The following ZNF148 variants were observed in gnomAD, a reference collection of about 807,000 sequenced individuals.
ZNF148 encodes zinc finger protein 148, also known as Beta-Enolase Repressor Factor-1.
ZNF148 carries 7 observed loss-of-function variants against 67.7 expected under a neutral mutation model. That is an observed-to-expected ratio of 0.10 (90% CI 0.06 to 0.19). The LOEUF is 0.19. Ranked by LOEUF, ZNF148 falls within the 10% of genes least tolerant of loss-of-function variation. ZNF148 has a pLI of 1.00. For synonymous variants in ZNF148, 333 were observed against 330.7 expected (o/e 1.01, Z -0.08); for missense variants, 583 against 947.1 (o/e 0.62, Z 5.05).
At chr3:125,340,971 G>C (rs1941694031) in intron 1 of ZNF148, among the ~76,000 whole-genome samples, 1 of 115,390 alleles carries the variant, frequency 8.7e-6, no homozygotes, top group Non-Finnish European at 1.6e-5. Flanking sequence ...CTGGGCGACA[G>C]AGCGAGACTC....
intron 4 of ZNF148, among the ~76,000 whole-genome samples, chr3:125,294,935 A>G (rs1188828580): frequency 6.6e-6 from 1 of 152,178 alleles, no homozygotes; most frequent in African/African-American, 2.4e-5. Context: ...TAAGTGTCTT[A>G]CCCAAGTTAT....
chr3:125,357,313 G>GACAC, intron 1 of ZNF148: 1 of 83,114 alleles, frequency 1.2e-5, no homozygotes, highest in Non-Finnish European at 2.4e-5. Context: ...CACGCGCACA[G>GACAC]ACACACGCAC....
At chr3:125,346,177 A>G (rs1330900763) in intron 1 of ZNF148, among the ~76,000 whole-genome samples, 1 of 152,234 alleles carries the variant, frequency 6.6e-6, no homozygotes, top group Non-Finnish European at 1.5e-5. Context: ...AGATTTGAAA[A>G]TCAATATAAT....
At chr3:125,326,026 G>T (rs1286852212) in intron 2 of ZNF148, among the ~76,000 whole-genome samples, 3 of 152,244 alleles carry the variant, frequency 2.0e-5, no homozygotes, top group Admixed American at 2.0e-4. Context: ...AAAGCTGAAA[G>T]ATACAGCTGT....
intron 1 of ZNF148, among the ~76,000 whole-genome samples, chr3:125,346,904 T>C (rs1226963143): frequency 6.6e-6 from 1 of 152,036 alleles, no homozygotes; most frequent in Non-Finnish European, 1.5e-5. Flanking sequence ...ATGGCATTAA[T>C]ATTGGGAAAA....
At chr3:125,279,792 C>A (rs888432339) in intron 5 of ZNF148, among the ~76,000 whole-genome samples, 1 of 150,258 alleles carries the variant, frequency 6.7e-6, no homozygotes, top group African/African-American at 2.4e-5. Flanking sequence ...TATAGTTTTG[C>A]TAACTTTTGT....
chr3:125,318,491 A>C (rs115508296), intron 3 of ZNF148, among the ~76,000 whole-genome samples: 1,406 of 140,310 alleles, frequency 0.01, 25 homozygotes, highest in African/African-American at 0.034. Flanking sequence ...CACATGGAAG[A>C]CTGATTTGGA....
chr3:125,315,592 CCAGCTA>C (rs1223419976), intron 3 of ZNF148, among the ~76,000 whole-genome samples: 1 of 151,332 alleles, frequency 6.6e-6, no homozygotes, highest in African/African-American at 2.4e-5. Flanking sequence ...GCCTGTAGTC[CCAGCTA>C]CTCAGGAGGC....
At chr3:125,339,416 T>C (rs960326677) in intron 1 of ZNF148, among the ~76,000 whole-genome samples, 23 of 152,224 alleles carry the variant, frequency 1.5e-4, no homozygotes, top group African/African-American at 5.5e-4. Context: ...AAGTACAATC[T>C]ATTAAACACA....
rs577583385 is a variant in ZNF148, at chr3:125,349,172, T to G, written c.-233-17934A>C. 6.6e-5 allele frequency among the ~76,000 whole-genome samples: 10 copies of G among 152,312 alleles called. No individual in the cohort carries two copies. In the East Asian group the frequency reaches 1.5e-3, roughly 24 times the overall value. On this transcript the variant is annotated intron_variant, in intron 1 of 8. Coordinates refer to ENST00000360647, the MANE Select transcript of ZNF148 (RefSeq NM_021964.3). ...GGAGAAAAGCTTCATGGCACAGCCA[T>G]GATTTCTAGGATTTGACACCAAAAG... is the stretch of plus-strand genomic sequence containing the variant.
rs370019372 is a variant in ZNF148, at chr3:125,233,115, T to C, written c.1611A>G (p.Pro537=). ...IKSNHDKNVI[P]DEVLQTLLDH... ...CCAACAGAGTCTGCAGTACCTCATC[T>C]GGAATAACATTTTTGTCATGATTAC... Residue 537 remains proline (P), a synonymous_variant, in exon 9 of 9, where the codon CCA becomes CCG. Coordinates refer to ENST00000360647, the MANE Select transcript of ZNF148 (RefSeq NM_021964.3). This position sits in a 1 kb window ranked among gnomAD's most constrained non-coding sequence, Gnocchi z 5.1. 1.2e-6 allele frequency: 2 copies of C among 1,613,810 alleles called. No homozygotes were observed. Among genetic ancestry groups the C allele is most frequent in the Non-Finnish European group, 1.7e-6 (2 of 1,179,868 alleles).
intron 4 of ZNF148, among the ~76,000 whole-genome samples, chr3:125,301,343 T>C (rs989751537): frequency 4.6e-5 from 7 of 152,064 alleles, no homozygotes; most frequent in Non-Finnish European, 7.4e-5. Flanking sequence ...TAAAATTTAT[T>C]AAAATAAGAA....
intron 7 of ZNF148, among the ~76,000 whole-genome samples, chr3:125,263,288 C>T (rs1037423618): frequency 2.6e-5 from 4 of 152,202 alleles, no homozygotes; most frequent in East Asian, 1.9e-4. Context: ...CGGTGGCCCA[C>T]GCCTGTAATC....
intron 7 of ZNF148, among the ~76,000 whole-genome samples, chr3:125,237,365 T>C (rs1347233016): frequency 6.6e-6 from 1 of 152,136 alleles, no homozygotes; most frequent in Non-Finnish European, 1.5e-5. Flanking sequence ...GTGAACTGCT[T>C]GAGCTCAGGA....
At chr3:125,328,573 C>T (rs1235718895) in intron 2 of ZNF148, among the ~76,000 whole-genome samples, 3 of 151,438 alleles carry the variant, frequency 2.0e-5, no homozygotes, top group Non-Finnish European at 4.4e-5. Context: ...CATAAATATA[C>T]ACTATGTATG....
chr3:125,246,247 T>C (rs183481726), intron 7 of ZNF148, among the ~76,000 whole-genome samples: 122 of 152,286 alleles, frequency 8.0e-4, no homozygotes, highest in African/African-American at 2.8e-3. Context: ...AAAGTTAACA[T>C]GGCATAATAA....
intron 1 of ZNF148, among the ~76,000 whole-genome samples, chr3:125,363,314 A>G (rs1942600929): frequency 6.6e-6 from 1 of 152,242 alleles, no homozygotes; most frequent in Non-Finnish European, 1.5e-5. Context: ...CAAAATTAGT[A>G]GCTATATAAT....
At chr3:125,340,821 C>A (rs1186624250) in intron 1 of ZNF148, among the ~76,000 whole-genome samples, 1 of 151,200 alleles carries the variant, frequency 6.6e-6, no homozygotes, top group Non-Finnish European at 1.5e-5. Flanking sequence ...CCCGTCTCTA[C>A]TAAAAATACA....
intron 4 of ZNF148, among the ~76,000 whole-genome samples, chr3:125,309,367 G>C (rs1017850524): frequency 6.6e-6 from 1 of 152,110 alleles, no homozygotes; most frequent in Non-Finnish European, 1.5e-5. Flanking sequence ...AGACAGTCTT[G>C]CAAGCAAAGA....
Sources: gnomAD v4.1 joint callset for allele counts (sites outside exome capture counted in the v4.1 genomes callset) on GRCh38, gnomAD v4.1.1 for gene constraint, Gnocchi (gnomAD v3.1) non-coding constraint, MANE v1.5 for transcripts, NCBI Gene and HGNC (gene_info 2026-07-23, HGNC 2026-07-21) for gene names.